KAZN: variants seen among roughly 807,000 people sequenced by gnomAD.
KAZN encodes kazrin, periplakin interacting protein.
In KAZN, 40 loss-of-function variants were observed where a neutral mutation model predicts 87.4. The observed-to-expected ratio is 0.46, with a 90% CI of 0.36 to 0.60. The LOEUF is 0.60. Among genes scored for constraint, KAZN ranks in the 20% least tolerant of loss-of-function variants. The pLI is 0.00. For synonymous variants in KAZN, 466 were observed against 458.3 expected, an observed-to-expected ratio of 1.02 and a Z score of -0.22; for missense variants, 898 against 1,073.9, an observed-to-expected ratio of 0.84 and a Z score of 2.29.
At chr1:14,983,953 T>A (rs901860001) in intron 2 of KAZN, among the ~76,000 whole-genome samples, 3 of 151,560 alleles carry the variant, frequency 2.0e-5, no homozygotes, top group Admixed American at 6.6e-5. Flanking sequence ...AAAAATAAAT[T>A]AATTAAATTA....
At chr1:14,183,710 C>T (rs1405522853) in intron 2 of KAZN, among the ~76,000 whole-genome samples, 1 of 152,038 alleles carries the variant, frequency 6.6e-6, no homozygotes. Context: ...CTCCCTTTAC[C>T]CCCCAAAGAC....
chr1:13,988,486 TTC>T (rs1176193297), intron 1 of KAZN, among the ~76,000 whole-genome samples: 2 of 152,140 alleles, frequency 1.3e-5, no homozygotes, highest in East Asian at 3.8e-4. Context: ...AAGGCAATTT[TTC>T]TAGGACCTCC....
chr1:14,297,549 C>T (rs374671296), intron 2 of KAZN, among the ~76,000 whole-genome samples: 1 of 152,026 alleles, frequency 6.6e-6, no homozygotes, highest in Non-Finnish European at 1.5e-5. Context: ...CTCCCTCCCC[C>T]ACACCTGCCC....
Position 14,267,666 on chromosome 1 carries a change from A to C in KAZN, c.249+87074A>C, listed in dbSNP as rs374295512. ...TAACCACGACTAAAAGAACGAATGA[A>C]TCTATACCCAGAAAAGCTATAATGT... is the stretch of plus-strand genomic sequence containing the variant. On this transcript the variant is annotated intron_variant, in intron 2 of 16. Transcript: ENST00000636203. Among the ~76,000 whole-genome samples, 13 of 152,300 alleles carry C rather than the reference A, an allele frequency of 8.5e-5. No individual in the cohort carries two copies. The East Asian group carries it at 1.5e-3, about 18-fold the overall frequency.
At chr1:13,998,913 A>G (rs1639652002) in intron 1 of KAZN, among the ~76,000 whole-genome samples, 1 of 139,072 alleles carries the variant, frequency 7.2e-6, no homozygotes, top group Admixed American at 8.1e-5. Flanking sequence ...CCGAATATAC[A>G]TTCTTCTCAG....
intron 2 of KAZN, among the ~76,000 whole-genome samples, chr1:14,384,503 T>G (rs928559059): frequency 1.3e-5 from 2 of 152,168 alleles, no homozygotes; most frequent in Non-Finnish European, 2.9e-5. Context: ...AATACCTAAT[T>G]TATTGAGAGT....
At chr1:14,276,264 A>ACATCAT (rs36027877) in intron 2 of KAZN, among the ~76,000 whole-genome samples, 1 of 151,408 alleles carries the variant, frequency 6.6e-6, no homozygotes, top group South Asian at 2.1e-4. Flanking sequence ...TACTTCATCA[A>ACATCAT]CATCATCATC....
chr1:14,320,746 T>C (rs912352460), intron 2 of KAZN, among the ~76,000 whole-genome samples: 29 of 152,192 alleles, frequency 1.9e-4, no homozygotes, highest in Admixed American at 1.8e-3. Flanking sequence ...TTGGCAGACT[T>C]TCCTTTAGCC....
chr1:14,623,497 C>T (rs1474084371), intron 1 of KAZN, among the ~76,000 whole-genome samples: 1 of 152,136 alleles, frequency 6.6e-6, no homozygotes, highest in African/African-American at 2.4e-5. Context: ...GGGAGAGGAG[C>T]AGAAAGGATG....
At chr1:14,514,087 G>A (rs761118540) in intron 2 of KAZN, among the ~76,000 whole-genome samples, 1 of 149,950 alleles carries the variant, frequency 6.7e-6, no homozygotes, top group African/African-American at 2.5e-5. Context: ...TTGGGAGGCC[G>A]AGGCAGGTGG....
At chr1:14,574,942 G>A (rs541595083) in intron 2 of KAZN, among the ~76,000 whole-genome samples, 18 of 152,280 alleles carry the variant, frequency 1.2e-4, no homozygotes, top group African/African-American at 4.1e-4. Context: ...TGAGGAGGAA[G>A]AACAAGAGGA....
rs1638991964 is a variant in KAZN at position 13,895,240 on chromosome 1, C to T, written c.91+1484C>T. Among the ~76,000 whole-genome samples the T allele has an allele frequency of 4.6e-5, 7 of 152,096 alleles. No homozygotes were observed. In the South Asian group the frequency reaches 1.5e-3, roughly 32 times the overall value. Reference sequence around the variant, plus strand: ...GTTTGTCCAGAAGGTTGAAAATCTCCCACTCCATACATCTGTGGAATATTT... The same window carrying T: ...GTTTGTCCAGAAGGTTGAAAATCTCTCACTCCATACATCTGTGGAATATTT... On this transcript the variant is annotated intron_variant, in intron 1 of 16. Coordinates refer to the KAZN transcript ENST00000636203.
intron 8 of KAZN, among the ~76,000 whole-genome samples, chr1:15,092,060 G>T (rs12075915): frequency 0.012 from 1,401 of 114,062 alleles, 45 homozygotes; most frequent in African/African-American, 0.04. Context: ...TTGTTTTTTT[G>T]TTTTTTTTTT....
intron 1 of KAZN, among the ~76,000 whole-genome samples, chr1:14,113,576 C>T (rs1421413342): frequency 6.6e-6 from 1 of 152,156 alleles, no homozygotes; most frequent in Non-Finnish European, 1.5e-5. Context: ...TCCTGTTTTA[C>T]AGAAAAGGAA....
Position 14,952,051 on chromosome 1 carries a change from G to A in KAZN, c.227-8633G>A, listed in dbSNP as rs574294401. On this transcript the variant is annotated intron_variant, in intron 1 of 14. Transcript: ENST00000376030. ...GCGGGGACCACCGCAACCCTACATG[G>A]GGTCATGAGATGAGGGCTGTCATCC... Among the ~76,000 whole-genome samples, 4 of 152,252 alleles carry A rather than the reference G, an allele frequency of 2.6e-5. No homozygotes were observed. In the East Asian group the frequency reaches 7.7e-4, roughly 29 times the overall value.
chr1:14,505,561 T>C (rs1670536871), intron 2 of KAZN, among the ~76,000 whole-genome samples: 3 of 152,114 alleles, frequency 2.0e-5, no homozygotes, highest in South Asian at 2.1e-4. Context: ...TGAGATCAAA[T>C]AAATTTGATT....
chr1:14,716,533 CTCCCTG>C (rs1642805312), intron 1 of KAZN, among the ~76,000 whole-genome samples: 1 of 152,128 alleles, frequency 6.6e-6, no homozygotes, highest in Non-Finnish European at 1.5e-5. Flanking sequence ...TTGCAGTAAC[CTCCCTG>C]TCGGCAGCCT....
intron 1 of KAZN, among the ~76,000 whole-genome samples, chr1:14,148,319 C>G (rs978151335): frequency 6.6e-6 from 1 of 152,166 alleles, no homozygotes. Flanking sequence ...TTCTCTGTGA[C>G]TTTTGGCATA....
chr1:14,063,565 C>G (rs1366099476), intron 1 of KAZN, among the ~76,000 whole-genome samples: 1 of 152,132 alleles, frequency 6.6e-6, no homozygotes, highest in Non-Finnish European at 1.5e-5. Context: ...AAAGTTTCAA[C>G]TCTACAGAGT....
Sources: allele counts gnomAD v4.1 joint callset (sites outside exome capture counted in the v4.1 genomes callset), GRCh38; gene constraint gnomAD v4.1.1; transcripts MANE v1.5; gene names NCBI Gene and HGNC (gene_info 2026-07-23, HGNC 2026-07-21).